The following GLIS3 variants were observed in gnomAD, a reference collection of about 807,000 sequenced individuals.
GLIS3 encodes the protein GLIS family zinc finger 3, also known as zinc finger protein GLIS3.
Under a neutral mutation model 78.6 loss-of-function variants are expected in GLIS3, and 53 were observed. The ratio of observed to expected loss-of-function variants is 0.67; its 90% CI spans 0.54 to 0.85. The LOEUF (loss-of-function observed/expected upper bound fraction) is 0.85, where lower values mean the gene tolerates loss of function less well. GLIS3 is among the 40% of genes least tolerant of loss of function. The pLI, the probability that GLIS3 is intolerant of heterozygous loss-of-function variation, is 0.00. For missense variants in GLIS3, 1,703 were observed against 1,231.1 expected (o/e 1.38, Z -5.74); for synonymous variants, 684 against 509.9 (o/e 1.34, Z -4.60).
intron 4 of GLIS3, among the ~76,000 whole-genome samples, chr9:3,951,680 G>A (rs77692484): frequency 0.017 from 2,650 of 152,202 alleles, 85 homozygotes; most frequent in African/African-American, 0.061. Context: ...TTTTAATAAA[G>A]GGGGTCAGTT....
rs1407324725 is a variant in GLIS3 at position 3,828,361 on chromosome 9, G to A, written c.2704C>T (p.Arg902Cys). The A allele has an allele frequency of 1.5e-5, 25 of 1,613,846 alleles. No homozygotes were observed. The highest frequency in any genetic ancestry group is 1.5e-4 in the African/African-American group (11 of 75,030). ...AAGGTAGCATCTTCAGCCCCGCTGC[G>A]GAGAGACTCCCCAAAGAGGCTCGAG... Reference protein sequence around the residue: ...SSSSLFGESLRSGAEDATFLQ... With the variant: ...SSSSLFGESLCSGAEDATFLQ... The change falls in exon 11 of 11, where the codon CGC (arginine) becomes TGC (cysteine). Residue 902 changes from arginine (R) to cysteine (C), a missense_variant. Arg to Cys is a radical substitution (Grantham distance 180). Transcript: ENST00000381971.
chr9:4,128,317 A>T (rs1163386347), intron 2 of GLIS3, among the ~76,000 whole-genome samples: 2 of 152,230 alleles, frequency 1.3e-5, no homozygotes, highest in African/African-American at 2.4e-5. Flanking sequence ...CATGTGCCTC[A>T]GCACCTATAG....
chr9:4,240,295 G>A (rs1270566628), intron 2 of GLIS3, among the ~76,000 whole-genome samples: 1 of 152,054 alleles, frequency 6.6e-6, no homozygotes, highest in Non-Finnish European at 1.5e-5. Flanking sequence ...CCTCACATGG[G>A]CAGTTCACAA....
chr9:4,300,506 G>A (rs181438903), upstream of GLIS3, among the ~76,000 whole-genome samples: 33 of 152,256 alleles, frequency 2.2e-4, no homozygotes, highest in African/African-American at 7.9e-4. Context: ...TGACAGCTTC[G>A]AAACTGGATA....
the GLIS3 span, among the ~76,000 whole-genome samples, chr9:4,391,550 G>GGTGTGTGTGTGTGTGTGT: frequency 1.0e-4 from 15 of 146,182 alleles, no homozygotes; most frequent in African/African-American, 3.6e-4. Context: ...TTCTAAGAGG[G>GGTGTGTGTGTGTGTGTGT]GTGTGTGTGT....
chr9:4,245,372 G>A (rs944985491), intron 2 of GLIS3, among the ~76,000 whole-genome samples: 1 of 152,100 alleles, frequency 6.6e-6, no homozygotes, highest in Admixed American at 6.5e-5. Flanking sequence ...CCCAAATTCG[G>A]GTGCGAACTC....
chr9:3,937,227 C>G, intron 4 of GLIS3, 38 bp from the exon 5 acceptor site: 1 of 1,611,882 alleles, frequency 6.2e-7, no homozygotes, highest in East Asian at 2.2e-5. Context: ...TTGAGAAGGA[C>G]CTTGAATGTT....
chr9:4,278,965 C>G (rs1329241901), intron 2 of GLIS3, among the ~76,000 whole-genome samples: 2 of 152,138 alleles, frequency 1.3e-5, no homozygotes, highest in Non-Finnish European at 2.9e-5. Flanking sequence ...AATTATCAGA[C>G]AAACCAGAGT....
chr9:4,084,253 T>A (rs1369802014), intron 4 of GLIS3, among the ~76,000 whole-genome samples: 46 of 102,256 alleles, frequency 4.5e-4, no homozygotes, highest in Admixed American at 3.2e-3. Flanking sequence ...CCTTCCTCTC[T>A]CTAACACACA....
At chr9:4,484,912 G>C in the GLIS3 span, among the ~76,000 whole-genome samples, 1,962 of 151,646 alleles carry the variant, frequency 0.013, 46 homozygotes, top group African/African-American at 0.045. Flanking sequence ...ACCAACCATC[G>C]GTCCAGAGGA....
the GLIS3 span, among the ~76,000 whole-genome samples, chr9:4,457,662 A>C: frequency 1.3e-5 from 2 of 151,896 alleles, no homozygotes; most frequent in African/African-American, 4.8e-5. Flanking sequence ...CCTGGCCAAC[A>C]TGGTGAAACC....
chr9:4,196,440 C>T (rs181312286), intron 2 of GLIS3, among the ~76,000 whole-genome samples: 22 of 152,308 alleles, frequency 1.4e-4, no homozygotes, highest in African/African-American at 2.2e-4. Context: ...TCGCTCTTTG[C>T]GATAAATCTT....
the GLIS3 span, among the ~76,000 whole-genome samples, chr9:4,371,127 T>C: frequency 6.6e-6 from 1 of 152,224 alleles, no homozygotes; most frequent in African/African-American, 2.4e-5. Flanking sequence ...TTGGTTCTTT[T>C]TAAAAATGCA....
chr9:4,224,824 G>C (rs1472190736), intron 2 of GLIS3, among the ~76,000 whole-genome samples: 4 of 151,330 alleles, frequency 2.6e-5, no homozygotes, highest in South Asian at 2.1e-4. Flanking sequence ...ATGTTGAACA[G>C]CAAAATCATT....
chr9:4,236,137 G>C (rs1822711755), intron 2 of GLIS3, among the ~76,000 whole-genome samples: 1 of 130,302 alleles, frequency 7.7e-6, no homozygotes. Flanking sequence ...TTAATAGCTG[G>C]AGTAGTGCTC....
chr9:4,323,973 C>G (rs1230297543), intron 2 of GLIS3, among the ~76,000 whole-genome samples: 1 of 152,176 alleles, frequency 6.6e-6, no homozygotes, highest in Non-Finnish European at 1.5e-5. Flanking sequence ...CTTTCATTTA[C>G]TCAGTTTCAA....
At chr9:4,069,227 G>C (rs550691941) in intron 4 of GLIS3, among the ~76,000 whole-genome samples, 101 of 152,256 alleles carry the variant, frequency 6.6e-4, no homozygotes, top group African/African-American at 2.3e-3. Flanking sequence ...GAATTAATTG[G>C]CTACTTTGTC....
At chr9:3,978,735 A>G (rs1818995266) in intron 4 of GLIS3, among the ~76,000 whole-genome samples, 1 of 152,086 alleles carries the variant, frequency 6.6e-6, no homozygotes, top group African/African-American at 2.4e-5. Flanking sequence ...TATTCGAATA[A>G]ATTATCTTAG....
At chr9:4,203,793 C>T (rs993009133) in intron 2 of GLIS3, among the ~76,000 whole-genome samples, 5 of 152,160 alleles carry the variant, frequency 3.3e-5, no homozygotes, top group Non-Finnish European at 7.4e-5. Flanking sequence ...AGAACAAAAT[C>T]ATGTCTTTTA....
Sources: gnomAD v4.1 joint callset for allele counts (sites outside exome capture counted in the v4.1 genomes callset) on GRCh38, gnomAD v4.1.1 for gene constraint, MANE v1.5 for transcripts, NCBI Gene and HGNC (gene_info 2026-07-23, HGNC 2026-07-21) for gene names.